PDS5B: variants seen among roughly 807,000 people sequenced by gnomAD.
PDS5B encodes the protein PDS5 cohesin associated factor B, also known as sister chromatid cohesion protein PDS5 homolog B.
In PDS5B, 51 loss-of-function variants were observed where a neutral mutation model predicts 184.1. That is an observed-to-expected ratio of 0.28 (90% CI 0.22 to 0.35). The LOEUF is 0.35. Among genes scored for constraint, PDS5B ranks in the 10% least tolerant of loss-of-function variants. PDS5B has a pLI of 1.00. For synonymous variants in PDS5B, 566 were observed against 569.2 expected (o/e 0.99, Z 0.08); for missense variants, 1,180 against 1,723.3 (o/e 0.68, Z 5.58).
intron 15 of PDS5B, among the ~76,000 whole-genome samples, chr13:32,699,503 T>A (rs1414911542): frequency 6.6e-6 from 1 of 152,226 alleles, no homozygotes; most frequent in Non-Finnish European, 1.5e-5. Context: ...TTTTAGACTT[T>A]CCTTGCATAT....
intron 1 of PDS5B, among the ~76,000 whole-genome samples, chr13:32,637,921 A>G (rs2058589876): frequency 1.3e-5 from 2 of 152,184 alleles, no homozygotes; most frequent in South Asian, 2.1e-4. Flanking sequence ...ACTGAAAACA[A>G]CTGTTCCCAA....
chr13:32,661,410 A>C (rs1472794658), intron 6 of PDS5B, among the ~76,000 whole-genome samples: 2 of 133,634 alleles, frequency 1.5e-5, no homozygotes, highest in African/African-American at 5.6e-5. Flanking sequence ...AAAAAAAAAA[A>C]CAGAAAAAGA....
chr13:32,628,033 T>TAA (rs928235365), intron 1 of PDS5B, among the ~76,000 whole-genome samples: 3 of 152,216 alleles, frequency 2.0e-5, no homozygotes, highest in Non-Finnish European at 4.4e-5. Context: ...GCCCAATCTT[T>TAA]ATTTAAAGTT....
rs1430299859 is a variant in PDS5B, at chr13:32,707,020, C to T, written c.1943C>T (p.Ala648Val). The stretch of plus-strand genomic sequence containing the variant: ...GTTCCAACTGATCAAGCCATCAGAG[C>T]AGGTCTTGAACTGCTTAAGGTAAGT... The part of the protein sequence containing the change: ...EGVPTDQAIR[A>V]GLELLKVLSF... The change falls in exon 18 of 35, where the codon GCA becomes GTA. Residue 648 changes from alanine to valine, a missense_variant. Transcript: ENST00000315596. The T allele has an allele frequency of 1.2e-6, 2 of 1,604,328 alleles. No homozygotes were observed. Among genetic ancestry groups the T allele is most frequent in the Non-Finnish European group, 1.7e-6 (2 of 1,173,648 alleles).
At chr13:32,746,475 T>A (rs1042306050) in intron 24 of PDS5B, among the ~76,000 whole-genome samples, 2 of 152,192 alleles carry the variant, frequency 1.3e-5, no homozygotes, top group Non-Finnish European at 2.9e-5. Flanking sequence ...TAAAGACTAT[T>A]TATTATATAT....
At chr13:32,767,461 T>A (rs1954620573) in intron 31 of PDS5B, among the ~76,000 whole-genome samples, 1 of 152,198 alleles carries the variant, frequency 6.6e-6, no homozygotes, top group Non-Finnish European at 1.5e-5. Flanking sequence ...TGAAAATCTA[T>A]CCCTACCTAT....
At chr13:32,751,069 CTCT>C (rs1281596696) in intron 24 of PDS5B, among the ~76,000 whole-genome samples, 7 of 152,250 alleles carry the variant, frequency 4.6e-5, no homozygotes, top group Non-Finnish European at 8.8e-5. Flanking sequence ...GTCTGTTCTT[CTCT>C]TCTTTGTGTT....
intron 11 of PDS5B, among the ~76,000 whole-genome samples, chr13:32,684,614 G>C (rs1951335300): frequency 6.6e-6 from 1 of 152,162 alleles, no homozygotes. Context: ...ATACTGCATG[G>C]AATATATTAG....
intron 19 of PDS5B, among the ~76,000 whole-genome samples, chr13:32,717,051 C>T (rs1394789919): frequency 5.3e-5 from 7 of 132,786 alleles, no homozygotes; most frequent in East Asian, 2.2e-4. Context: ...CCAGCCGCCT[C>T]GTCCGGGAGG....
chr13:32,666,470 C>T (rs1693622294), intron 6 of PDS5B, among the ~76,000 whole-genome samples: 1 of 151,926 alleles, frequency 6.6e-6, no homozygotes, highest in Admixed American at 6.6e-5. Flanking sequence ...GTAATGTTCC[C>T]AGGACAAAGA....
intron 1 of PDS5B, among the ~76,000 whole-genome samples, chr13:32,610,557 G>C (rs978857448): frequency 2.0e-5 from 3 of 151,872 alleles, no homozygotes; most frequent in Non-Finnish European, 4.4e-5. Context: ...GAGATGGATA[G>C]AGTTGCTTAA....
At chr13:32,748,341 G>T (rs945774723) in intron 24 of PDS5B, among the ~76,000 whole-genome samples, 1 of 152,082 alleles carries the variant, frequency 6.6e-6, no homozygotes, top group Non-Finnish European at 1.5e-5. Context: ...CTCAAGTCCA[G>T]TGATACTGGG....
chr13:32,699,819 G>A lies in PDS5B; in HGVS notation c.1690G>A (p.Glu564Lys). 1.3e-6 allele frequency: 2 copies of A among 1,582,450 alleles called. No individual in the cohort carries two copies. The highest frequency in any genetic ancestry group is 1.7e-6 in the Non-Finnish European group (2 of 1,167,214). ...EDDEKIRKQL[E>K]VLVSPTCSCK... Reference sequence around the variant, plus strand: ...TGATGAGAAAATAAGAAAGCAGTTAGAAGTACTTGTTAGTCCAACATGCTC... The same window carrying A: ...TGATGAGAAAATAAGAAAGCAGTTAAAAGTACTTGTTAGTCCAACATGCTC... Residue 564 changes from glutamate to lysine, a missense_variant, in exon 16 of 35, where the codon GAA becomes AAA. By Grantham distance (56) the Glu-to-Lys change is moderately conservative. Transcript: ENST00000315596.
rs751771151 is a variant in PDS5B at position 32,732,181 on chromosome 13, C to T, written c.2204C>T (p.Ala735Val). The T allele has an allele frequency of 3.1e-6, 5 of 1,607,840 alleles. No individual in the cohort carries two copies. Among genetic ancestry groups the T allele is most frequent in the Admixed American group, 1.7e-5 (1 of 59,710 alleles). The change falls in exon 20 of 35, where the codon GCG becomes GTG. Residue 735 changes from alanine (A) to valine (V), a missense_variant. Physicochemically the swap from Ala to Val is moderately conservative, Grantham distance 64. Coordinates refer to ENST00000315596, the MANE Select transcript of PDS5B (RefSeq NM_015032.4). ...QAKYAIHCIHAIFSSKETQFA... is the reference protein window; with the variant it reads ...QAKYAIHCIHVIFSSKETQFA... ...AAATATGCCATTCATTGTATCCATG[C>T]GATATTTTCTAGTAAAGAGACCCAG...
At chr13:32,683,708 CT>C (rs1383903865) in intron 10 of PDS5B, among the ~76,000 whole-genome samples, 169 bp from the exon 11 acceptor site, 1 of 152,194 alleles carries the variant, frequency 6.6e-6, no homozygotes, top group African/African-American at 2.4e-5. Context: ...TCTTTTTTGA[CT>C]GAAGAACTAA....
Position 32,732,166 on chromosome 13 carries a change from T to C in PDS5B, c.2189T>C (p.Ile730Thr). 1.2e-6 allele frequency: 2 copies of C among 1,609,364 alleles called. No homozygotes were observed. The highest frequency in any genetic ancestry group is 1.1e-5 in the South Asian group (1 of 90,884). Residue 730 changes from isoleucine to threonine, a missense_variant, in exon 20 of 35, where the codon ATT becomes ACT. Around this residue, in one of 11 missense-constraint regions of PDS5B, gnomAD observed 475 missense variants for 691.5 expected, o/e 0.69. Coordinates refer to ENST00000315596, the MANE Select transcript of PDS5B (RefSeq NM_015032.4). ...CCCCCCCGTCAAGCCAAATATGCCA[T>C]TCATTGTATCCATGCGATATTTTCT... ...KGPPRQAKYA[I>T]HCIHAIFSSK...
At chr13:32,758,280 T>A in intron 27 of PDS5B, 61 bp downstream of exon 27, 1 of 1,308,124 alleles carries the variant, frequency 7.6e-7, no homozygotes, top group Non-Finnish European at 1.0e-6. Context: ...AGGTGTAAAG[T>A]ATGAAACTTC....
At chr13:32,686,972 G>GTT (rs549092265) in intron 11 of PDS5B, among the ~76,000 whole-genome samples, 162 bp from the exon 12 acceptor site, 1 of 150,470 alleles carries the variant, frequency 6.6e-6, no homozygotes, top group Non-Finnish European at 1.5e-5. Flanking sequence ...TGATAGTTGT[G>GTT]TTTTTTTTTA....
intron 17 of PDS5B, among the ~76,000 whole-genome samples, chr13:32,702,721 T>A (rs1951897670): frequency 6.6e-6 from 1 of 152,216 alleles, no homozygotes; most frequent in Admixed American, 6.5e-5. Context: ...GATTGCCATC[T>A]ATTTATAGTG....
Sources: gnomAD v4.1 joint callset for allele counts (sites outside exome capture counted in the v4.1 genomes callset) on GRCh38, gnomAD v4.1.1 for gene constraint, gnomAD v4.1.1 regional missense constraint, MANE v1.5 for transcripts, NCBI Gene and HGNC (gene_info 2026-07-23, HGNC 2026-07-21) for gene names.